The following ZFHX4 variants were observed in gnomAD, a reference collection of about 807,000 sequenced individuals.
The protein encoded by ZFHX4 is zinc finger homeobox 4, also known as zinc finger homeobox protein 4.
A neutral mutation model predicts 267.6 loss-of-function variants in ZFHX4; 56 were observed. The ratio of observed to expected loss-of-function variants is 0.21; its 90% CI spans 0.17 to 0.26. ZFHX4 has a LOEUF of 0.26. ZFHX4 is among the 10% of genes least tolerant of loss of function. The pLI, the probability that ZFHX4 is intolerant of heterozygous loss-of-function variation, is 1.00. For missense variants in ZFHX4, 4,332 were observed against 4,420.0 expected (o/e 0.98, Z 0.56); for synonymous variants, 1,778 against 1,665.6 (o/e 1.07, Z -1.64).
chr8:76,779,893 A>G (rs1372525904), intron 4 of ZFHX4, among the ~76,000 whole-genome samples: 3 of 152,090 alleles, frequency 2.0e-5, no homozygotes, highest in Non-Finnish European at 2.9e-5. Context: ...CCAATAGTCT[A>G]AGGGTGTTAG....
chr8:76,863,755 A>G lies in ZFHX4; in HGVS notation c.10041A>G (p.Ala3347=). 6.4e-7 allele frequency: 1 copy of G among 1,552,836 alleles called. No individual in the cohort carries two copies. Among genetic ancestry groups the G allele is most frequent in the Non-Finnish European group, 8.7e-7 (1 of 1,147,702 alleles). ...AACAGCAGCAGAAACCAGTTCAGGCAAAGACATCCAAAGTAGAAAGTGACC... is the reference window on the plus strand; with the variant it reads ...AACAGCAGCAGAAACCAGTTCAGGCGAAGACATCCAAAGTAGAAAGTGACC... ...QQEQQQKPVQ[A]KTSKVESDQP... Residue 3347 remains alanine, a synonymous_variant, in exon 11 of 11, where the codon GCA becomes GCG. Transcript: ENST00000651372.
At position 76,707,580 on chromosome 8, in the gene ZFHX4, C is replaced by T. The variant is rs750368066; in HGVS notation, c.2625C>T (p.Ala875=). The change falls in exon 3 of 11, where the codon GCC becomes GCT. Residue 875 remains alanine, a synonymous_variant. Transcript: ENST00000651372. The part of the protein sequence containing the change: ...NNELPPEIRL[A]SGQLMGDDLS... ...AGCTGCCGCCTGAAATCCGGCTTGC[C>T]AGTGGTCAGCTAATGGGTGATGACC... is the stretch of plus-strand genomic sequence containing the variant. 1.0e-5 allele frequency: 16 copies of T among 1,597,128 alleles called. No individual in the cohort carries two copies. Among genetic ancestry groups the T allele is most frequent in the Non-Finnish European group, 1.3e-5 (15 of 1,169,860 alleles).
At chr8:76,800,067 AGT>A (rs142431243) in intron 4 of ZFHX4, among the ~76,000 whole-genome samples, 10 of 151,104 alleles carry the variant, frequency 6.6e-5, no homozygotes, top group Non-Finnish European at 1.3e-4. Context: ...CGTGTGTGTG[AGT>A]GTGTGTGTGT....
At chr8:76,697,257 C>T (rs1367910146) in intron 1 of ZFHX4, among the ~76,000 whole-genome samples, 1 of 151,718 alleles carries the variant, frequency 6.6e-6, no homozygotes, top group Admixed American at 6.6e-5. Flanking sequence ...TTAAAATATA[C>T]CGTCTTTACA....
Position 76,756,769 on chromosome 8 carries a change from A to G in ZFHX4, c.3094-21439A>G, listed in dbSNP as rs150501664. The stretch of plus-strand genomic sequence containing the variant: ...CAGCAAAGGTCCAAATTTACGCTAA[A>G]CTATAGCAACTATAAAGGTCCTTAT... On this transcript the variant is annotated intron_variant, in intron 3 of 10. Transcript: ENST00000651372. Among the ~76,000 whole-genome samples, 642 of 152,206 alleles carry G rather than the reference A, an allele frequency of 4.2e-3. 4 individuals carry two copies. The highest frequency in any genetic ancestry group is 0.017 in the Admixed American group (254 of 15,274).
chr8:76,707,817 C>G lies in ZFHX4; in HGVS notation c.2862C>G (p.Leu954=), dbSNP rs371865768. ...AGCTCTGCAACTACAACACTCAGCT[C>G]AAAGCCAACTTCCAGCTACACTGCA... ...QCKLCNYNTQ[L]KANFQLHCKT... Residue 954 remains leucine (L), a synonymous_variant, in exon 3 of 11, where the codon CTC becomes CTG. Transcript: ENST00000651372. 4.0e-5 allele frequency: 65 copies of G among 1,613,870 alleles called. No homozygotes were observed. The highest frequency in any genetic ancestry group is 4.0e-4 in the East Asian group (18 of 44,860).
At chr8:76,794,464 C>T (rs539756628) in intron 4 of ZFHX4, among the ~76,000 whole-genome samples, 2 of 152,166 alleles carry the variant, frequency 1.3e-5, no homozygotes, top group Non-Finnish European at 2.9e-5. Context: ...TCATGTTTGA[C>T]CACAGATTTC....
At chr8:76,713,076 A>T (rs964205532) in intron 3 of ZFHX4, among the ~76,000 whole-genome samples, 11 of 152,190 alleles carry the variant, frequency 7.2e-5, no homozygotes. Context: ...CCTATCAACT[A>T]TGTCTACTTC....
intron 1 of ZFHX4, among the ~76,000 whole-genome samples, chr8:76,686,058 A>T (rs925700347): frequency 6.6e-6 from 1 of 152,182 alleles, no homozygotes; most frequent in Non-Finnish European, 1.5e-5. Context: ...TTTATCACAT[A>T]ATCTTGGGAA....
At position 76,855,597 on chromosome 8, in the gene ZFHX4, G is replaced by T; in HGVS notation, c.8676G>T (p.Pro2892=). 6.2e-7 allele frequency: 1 copy of T among 1,613,818 alleles called. No homozygotes were observed. Among genetic ancestry groups the T allele is most frequent in the Non-Finnish European group, 8.5e-7 (1 of 1,179,832 alleles). The change falls in exon 10 of 11, where the codon CCG becomes CCT. Residue 2892 remains proline, a synonymous_variant. Transcript: ENST00000651372. ...HDQSFYITDD[P]DDNADRSETS... is the part of the protein sequence containing the mutation. ...AAAGCTTTTACATCACAGATGACCC[G>T]GATGACAACGCCGACCGCAGCGAAA... is the stretch of plus-strand genomic sequence containing the variant.
chr8:76,855,549 T>C lies in ZFHX4; in HGVS notation c.8628T>C (p.Asn2876=), dbSNP rs1204441273. The C allele has an allele frequency of 6.2e-7, 1 of 1,613,754 alleles. No individual in the cohort carries two copies. Among genetic ancestry groups the C allele is most frequent in the Non-Finnish European group, 8.5e-7 (1 of 1,179,868 alleles). Residue 2876 remains asparagine, a synonymous_variant, in exon 10 of 11, where the codon AAT becomes AAC. Transcript: ENST00000651372. ...TCACAAGCCCATCCATCCATTTCAA[T>C]GACAAAGATGGCGACCACGACCAAA... ...FSLTSPSIHF[N]DKDGDHDQSF...
At chr8:76,713,936 C>A (rs1808498386) in intron 3 of ZFHX4, among the ~76,000 whole-genome samples, 1 of 152,012 alleles carries the variant, frequency 6.6e-6, no homozygotes. Context: ...CGTACCACCA[C>A]CACCACCACA....
At chr8:76,856,738 G>T (rs1358242605) in intron 10 of ZFHX4, among the ~76,000 whole-genome samples, 1 of 151,986 alleles carries the variant, frequency 6.6e-6, no homozygotes, top group East Asian at 1.9e-4. Context: ...TGGTGTTTTT[G>T]TTTGTCCCCC....
chr8:76,806,745 A>G (rs1811255359), intron 4 of ZFHX4, among the ~76,000 whole-genome samples: 1 of 152,144 alleles, frequency 6.6e-6, no homozygotes, highest in East Asian at 1.9e-4. Flanking sequence ...CTTAAAGAGA[A>G]TTTAGGTACT....
In ZFHX4 at chr8:76,863,134, T is replaced by G; in HGVS notation, c.9420T>G (p.Thr3140=). Residue 3140 remains threonine (T), a synonymous_variant, in exon 11 of 11, where the codon ACT becomes ACG. Coordinates refer to ENST00000651372, the MANE Select transcript of ZFHX4 (RefSeq NM_024721.5). ...GTGCAGGCATGCTTGGGTTTCCTAC[T>G]TCAGCTACTTCGTCTCCTGCCCTGT... ...PPGAGMLGFP[T]SATSSPALSL... 1 of 1,538,074 alleles carries G rather than the reference T, an allele frequency of 6.5e-7. No homozygotes were observed. Among genetic ancestry groups the G allele is most frequent in the Non-Finnish European group, 8.8e-7 (1 of 1,141,530 alleles).
rs1348022245 is a variant in ZFHX4 at position 76,778,276 on chromosome 8, C to T, written c.3162C>T (p.Tyr1054=). 1.2e-6 allele frequency: 2 copies of T among 1,613,872 alleles called. No homozygotes were observed. Among genetic ancestry groups the T allele is most frequent in the Admixed American group, 1.7e-5 (1 of 60,000 alleles). The part of the protein sequence containing the change: ...SCYYYCAVCD[Y]TTKVKLNLVQ... ...ATTACTACTGTGCCGTGTGTGATTA[C>T]ACCACCAAGGTCAAGTTGAATCTGG... The change falls in exon 4 of 11, where the codon TAC becomes TAT. Residue 1054 remains tyrosine (Y), a synonymous_variant. Transcript: ENST00000651372.
chr8:76,826,493 C>G (rs1424549833), intron 4 of ZFHX4, among the ~76,000 whole-genome samples: 1 of 152,048 alleles, frequency 6.6e-6, no homozygotes, highest in Non-Finnish European at 1.5e-5. Context: ...AGGCTTTTGA[C>G]CTAGTATACA....
At position 76,856,061 on chromosome 8, in the gene ZFHX4, A is replaced by G; in HGVS notation, c.9140A>G (p.Lys3047Arg). The G allele has an allele frequency of 6.2e-7, 1 of 1,613,994 alleles. No homozygotes were observed. Among genetic ancestry groups the G allele is most frequent in the Non-Finnish European group, 8.5e-7 (1 of 1,179,884 alleles). ...ETVGSQLDRE[K>R]DYLAPTTVRQ... ...GTTGGCAGTCAGCTCGATCGGGAGA[A>G]AGATTACTTGGCTCCGACCACGGTT... The change falls in exon 10 of 11, where the codon AAA (lysine) becomes AGA (arginine). Residue 3047 changes from lysine (K) to arginine (R), a missense_variant. By Grantham distance (26) the Lys-to-Arg change is conservative. Around this residue, in one of 7 missense-constraint regions of ZFHX4, gnomAD observed 1,648 missense variants for 1,625.0 expected, o/e 1.01. Coordinates refer to ENST00000651372, the MANE Select transcript of ZFHX4 (RefSeq NM_024721.5).
chr8:76,857,380 A>ATATC (rs1554576427), intron 10 of ZFHX4, among the ~76,000 whole-genome samples: 4 of 141,404 alleles, frequency 2.8e-5, no homozygotes, highest in Non-Finnish European at 6.2e-5. Context: ...ATATATATAT[A>ATATC]TCTACATTTA....
Sources: allele counts gnomAD v4.1 joint callset (sites outside exome capture counted in the v4.1 genomes callset), GRCh38; gene constraint gnomAD v4.1.1; regional missense constraint gnomAD v4.1.1; transcripts MANE v1.5; gene names NCBI Gene and HGNC (gene_info 2026-07-23, HGNC 2026-07-21).